MYOM2: variants seen among roughly 807,000 people sequenced by gnomAD.
MYOM2 encodes myomesin-2.
In MYOM2, 254 loss-of-function variants were observed where a neutral mutation model predicts 187.6. The ratio of observed to expected loss-of-function variants is 1.35; its 90% CI spans 1.22 to 1.50. The LOEUF (loss-of-function observed/expected upper bound fraction) is 1.50. MYOM2 is among the 40% of genes most tolerant of loss of function. The probability of loss-of-function intolerance (pLI) is 0.00; values close to 1 mark genes in which losing one functional copy is unlikely to be tolerated. For missense variants in MYOM2, 2,796 were observed against 1,924.0 expected (o/e 1.45, Z -8.48); for synonymous variants, 981 against 753.8 (o/e 1.30, Z -4.94).
chr8:2,109,519 C>G lies in MYOM2; in HGVS notation c.3168C>G (p.Val1056=), dbSNP rs1389794857. 2 of 1,611,292 alleles carry G rather than the reference C, an allele frequency of 1.2e-6. No homozygotes were observed. Among genetic ancestry groups the G allele is most frequent in the Non-Finnish European group, 1.7e-6 (2 of 1,178,840 alleles). Residue 1056 remains valine, a synonymous_variant, in exon 25 of 37, where the codon GTC becomes GTG. Transcript: ENST00000262113. Reference sequence around the variant, plus strand: ...GATTTATTATTAACGACAGAGAAGTCTCTGACAGCGAGGTGAGTTCCTGTG... The same window carrying G: ...GATTTATTATTAACGACAGAGAAGTGTCTGACAGCGAGGTGAGTTCCTGTG... ...SYRFIINDRE[V]SDSEIHRIKC... is the part of the protein sequence containing the mutation.
chr8:2,067,415 G>A (rs768579614), intron 6 of MYOM2, among the ~76,000 whole-genome samples: 4 of 152,148 alleles, frequency 2.6e-5, no homozygotes, highest in Non-Finnish European at 5.9e-5. Context: ...TTGGAGTCAC[G>A]TGGACCTTGT....
chr8:2,128,473 C>G lies in MYOM2; in HGVS notation c.3695-654C>G, dbSNP rs143865735. ...AAGGCTGAATATCTGATAACAATCT[C>G]TACTTCCAGTTCAGAGCTTCTGCCT... On this transcript the variant is annotated intron_variant, in intron 31 of 36. Transcript: ENST00000262113. Among the ~76,000 whole-genome samples, 713 of 152,326 alleles carry G rather than the reference C, an allele frequency of 4.7e-3. 13 individuals carry two copies. Among genetic ancestry groups the G allele is most frequent in the East Asian group, 0.044 (228 of 5,192 alleles).
intron 31 of MYOM2, among the ~76,000 whole-genome samples, chr8:2,124,811 T>G (rs1304992255): frequency 6.6e-6 from 1 of 152,188 alleles, no homozygotes; most frequent in Non-Finnish European, 1.5e-5. Flanking sequence ...GATATCTCAC[T>G]GCAGTTTTAA....
chr8:2,080,998 T>G (rs13249391), intron 13 of MYOM2, among the ~76,000 whole-genome samples: 274 of 66,044 alleles, frequency 4.1e-3, no homozygotes, highest in South Asian at 9.1e-3. Context: ...AGCCCAGCCC[T>G]TGCAGAATGT....
chr8:2,096,117 C>G, intron 17 of MYOM2, 130 bp from the exon 18 acceptor site: 1 of 796,668 alleles, frequency 1.3e-6, no homozygotes, highest in Non-Finnish European at 2.0e-6. Context: ...TGAGAGGGAT[C>G]AGAGGGCACA....
intron 31 of MYOM2, among the ~76,000 whole-genome samples, chr8:2,125,332 T>C (rs1797598812): frequency 6.6e-6 from 1 of 152,216 alleles, no homozygotes; most frequent in African/African-American, 2.4e-5. Context: ...CCAGCACCAC[T>C]GATTAAAGAG....
rs939197153 is a variant in MYOM2, at chr8:2,090,567, C to T, written c.1828+376C>T. 1.3e-5 allele frequency among the ~76,000 whole-genome samples: 2 copies of T among 152,040 alleles called. 1 individual carries two copies. Among genetic ancestry groups the T allele is most frequent in the Non-Finnish European group, 2.9e-5 (2 of 68,024 alleles). On this transcript the variant is annotated intron_variant, in intron 15 of 36. Coordinates refer to ENST00000262113, the MANE Select transcript of MYOM2 (RefSeq NM_003970.4). Reference sequence around the variant, plus strand: ...TTTGTTGTAAAGATTATTTCGTCACCCAGGTACCAAGCCTAGTAGCCATTA... The same window carrying T: ...TTTGTTGTAAAGATTATTTCGTCACTCAGGTACCAAGCCTAGTAGCCATTA...
Position 2,075,915 on chromosome 8 carries a change from T to A in MYOM2, c.1121-226T>A, listed in dbSNP as rs1203423037. Among the ~76,000 whole-genome samples the A allele has an allele frequency of 2.6e-5, 4 of 152,202 alleles. No homozygotes were observed. In the East Asian group the frequency reaches 5.8e-4, roughly 22 times the overall value. ...ATGACGAAAAATTGTAGACTCAGTG[T>A]TTTATCAAGGATTCTATGTTTTGAA... On this transcript the variant is annotated intron_variant, in intron 10 of 36. Transcript: ENST00000262113.
intron 14 of MYOM2, among the ~76,000 whole-genome samples, chr8:2,087,380 C>T (rs1198613372): frequency 6.6e-6 from 1 of 152,178 alleles, no homozygotes; most frequent in Non-Finnish European, 1.5e-5. Context: ...GGAGGACCCT[C>T]TGGCCTTCTC....
intron 2 of MYOM2, among the ~76,000 whole-genome samples, chr8:2,051,229 C>G (rs957997522): frequency 1.3e-5 from 2 of 152,114 alleles, no homozygotes; most frequent in Non-Finnish European, 2.9e-5. Context: ...GAAAGGCTGT[C>G]GGTAGGAGAG....
At chr8:2,071,942 C>T (rs1326264852) in intron 8 of MYOM2, among the ~76,000 whole-genome samples, 4 of 152,200 alleles carry the variant, frequency 2.6e-5, no homozygotes, top group Non-Finnish European at 5.9e-5. Flanking sequence ...ATCCCACCCT[C>T]ATCACCTCCC....
chr8:2,125,883 T>C (rs1278038399), intron 31 of MYOM2, among the ~76,000 whole-genome samples: 1 of 151,734 alleles, frequency 6.6e-6, no homozygotes, highest in Non-Finnish European at 1.5e-5. Flanking sequence ...CCCTAAGTGC[T>C]GGGATTACAT....
In MYOM2 at chr8:2,100,992, G is replaced by A. The variant is rs772703268; in HGVS notation, c.2557G>A (p.Glu853Lys). ...PVSGYFVDFREEDAGEWITVN... is the reference protein window; with the variant it reads ...PVSGYFVDFRKEDAGEWITVN... ...TTCTGGATATTTCGTGGACTTCAGG[G>A]AGGAGGATGCTGGAGAGTGGATCAC... Residue 853 changes from glutamate (E) to lysine (K), a missense_variant, in exon 20 of 37, where the codon GAG becomes AAG. Physicochemically the swap from Glu to Lys is moderately conservative, Grantham distance 56 (BLOSUM62 1). Coordinates refer to ENST00000262113, the MANE Select transcript of MYOM2 (RefSeq NM_003970.4). The A allele has an allele frequency of 2.2e-5, 35 of 1,614,068 alleles. No homozygotes were observed. Among genetic ancestry groups the A allele is most frequent in the Non-Finnish European group, 2.9e-5 (34 of 1,180,038 alleles).
intron 2 of MYOM2, 115 bp downstream of exon 2, chr8:2,050,988 G>A: frequency 5.3e-6 from 4 of 755,464 alleles, no homozygotes; most frequent in Non-Finnish European, 8.8e-6. Flanking sequence ...GGGAGTCAGA[G>A]AGCAGAGATG....
chr8:2,108,034 G>T (rs889517789), intron 23 of MYOM2, among the ~76,000 whole-genome samples: 2 of 152,204 alleles, frequency 1.3e-5, no homozygotes, highest in Non-Finnish European at 2.9e-5. Context: ...AGTCCTCCCT[G>T]TGAAACCAGT....
chr8:2,124,875 C>A (rs900799169), intron 31 of MYOM2, among the ~76,000 whole-genome samples: 3 of 152,110 alleles, frequency 2.0e-5, no homozygotes, highest in African/African-American at 4.8e-5. Flanking sequence ...TATCTGTTGG[C>A]CATTTTTCTG....
Position 2,144,766 on chromosome 8 carries a change from G to C in MYOM2, c.4183G>C (p.Val1395Leu). Residue 1395 changes from valine (V) to leucine (L), a missense_variant, in exon 37 of 37, where the codon GTG (valine) becomes CTG (leucine). Physicochemically the swap from Val to Leu is conservative, Grantham distance 32. Transcript: ENST00000262113. ...GCTCAGCGAGCACTTCTCGGTGAAG[G>C]TGGAGCAGGCCAAGTACGTCAGCAT... ...IQLSEHFSVK[V>L]EQAKYVSMTI... is the part of the protein sequence containing the mutation. 4 of 1,614,202 alleles carry C rather than the reference G, an allele frequency of 2.5e-6. No homozygotes were observed. Among genetic ancestry groups the C allele is most frequent in the Non-Finnish European group, 3.4e-6 (4 of 1,180,040 alleles).
At chr8:2,111,004 A>T (rs1797051859) in intron 25 of MYOM2, among the ~76,000 whole-genome samples, 1 of 152,246 alleles carries the variant, frequency 6.6e-6, no homozygotes, top group Non-Finnish European at 1.5e-5. Context: ...ACTATTGCCT[A>T]TGGGAGACTT....
At chr8:2,081,887 T>C (rs1346565472) in intron 13 of MYOM2, 1 of 152,256 alleles carries the variant, frequency 6.6e-6, no homozygotes, top group Non-Finnish European at 1.5e-5. Context: ...CAGATGCTCT[T>C]TTCCATGGTC....
Sources: allele counts gnomAD v4.1 joint callset (sites outside exome capture counted in the v4.1 genomes callset), GRCh38; gene constraint gnomAD v4.1.1; transcripts MANE v1.5; gene names NCBI Gene and HGNC (gene_info 2026-07-23, HGNC 2026-07-21).